IFT43: variants seen among roughly 807,000 people sequenced by gnomAD.
IFT43 encodes intraflagellar transport protein 43 homolog.
In IFT43, 33 loss-of-function variants were observed where a neutral mutation model predicts 32.3. The observed-to-expected ratio is 1.02, with a 90% CI of 0.77 to 1.37. The LOEUF (loss-of-function observed/expected upper bound fraction) is 1.37. Among genes scored for constraint, IFT43 ranks in the 40% most tolerant of loss-of-function variants. IFT43 has a pLI of 0.00. For missense variants in IFT43, 274 were observed against 265.9 expected (o/e 1.03, Z -0.21); for synonymous variants, 93 against 98.2 (o/e 0.95, Z 0.31).
At chr14:75,994,057 C>G (rs1248311498) in intron 2 of IFT43, among the ~76,000 whole-genome samples, 1 of 150,248 alleles carries the variant, frequency 6.7e-6, no homozygotes, top group African/African-American at 2.4e-5. Flanking sequence ...GTAGGCAGTT[C>G]AAAAATGACA....
chr14:76,002,969 GGTT>G (rs1357210360), intron 2 of IFT43, among the ~76,000 whole-genome samples: 1 of 152,208 alleles, frequency 6.6e-6, no homozygotes, highest in Non-Finnish European at 1.5e-5. Flanking sequence ...GAAACCGTAA[GGTT>G]GTGATCAGAA....
intron 2 of IFT43, among the ~76,000 whole-genome samples, chr14:76,022,014 G>A (rs529447204): frequency 2.0e-5 from 3 of 152,210 alleles, no homozygotes; most frequent in African/African-American, 7.2e-5. Context: ...ACTTTGGGAG[G>A]CCCAGGTGGG....
chr14:76,077,792 C>G (rs1003002164), intron 5 of IFT43, among the ~76,000 whole-genome samples: 1 of 152,182 alleles, frequency 6.6e-6, no homozygotes, highest in Non-Finnish European at 1.5e-5. Context: ...TTCAGTCTCT[C>G]CAGTGTTTCC....
At chr14:76,019,581 T>C (rs1472895272) in intron 2 of IFT43, among the ~76,000 whole-genome samples, 1 of 152,180 alleles carries the variant, frequency 6.6e-6, no homozygotes, top group African/African-American at 2.4e-5. Context: ...TTTTGAGACC[T>C]TCAAGCTTCC....
At chr14:76,042,522 C>T in intron 3 of IFT43, among the ~76,000 whole-genome samples, 1 of 152,198 alleles carries the variant, frequency 6.6e-6, no homozygotes, top group East Asian at 1.9e-4. Flanking sequence ...GCATGCATGA[C>T]CTAAGCCCTT....
intron 2 of IFT43, among the ~76,000 whole-genome samples, chr14:76,012,004 T>G (rs2036094720): frequency 6.6e-6 from 1 of 152,234 alleles, no homozygotes; most frequent in African/African-American, 2.4e-5. Context: ...GGAAGTTTGT[T>G]TTTAGTCAGT....
At chr14:76,027,996 G>A (rs2036436189) in intron 3 of IFT43, among the ~76,000 whole-genome samples, 1 of 151,958 alleles carries the variant, frequency 6.6e-6, no homozygotes, top group African/African-American at 2.4e-5. Flanking sequence ...GGCCAGTTGT[G>A]TTGTAGAATG....
chr14:75,991,108 G>A (rs1046180484), intron 2 of IFT43, among the ~76,000 whole-genome samples: 12 of 152,198 alleles, frequency 7.9e-5, no homozygotes, highest in African/African-American at 2.2e-4. Context: ...GGGAAGCCAA[G>A]GCAGGAGGAT....
intron 5 of IFT43, among the ~76,000 whole-genome samples, chr14:76,060,788 GC>G (rs2037116770): frequency 6.6e-6 from 1 of 151,088 alleles, no homozygotes; most frequent in Non-Finnish European, 1.5e-5. Context: ...ATTGTCTTTG[GC>G]CTTCTTTCTT....
intron 3 of IFT43, among the ~76,000 whole-genome samples, chr14:76,052,153 G>A (rs150964258): frequency 1.8e-4 from 28 of 152,172 alleles, no homozygotes; most frequent in Non-Finnish European, 3.8e-4. Flanking sequence ...CATTTATCTC[G>A]GTTATGTCCC....
chr14:76,038,956 T>C (rs1229567074), intron 3 of IFT43, among the ~76,000 whole-genome samples: 1 of 151,990 alleles, frequency 6.6e-6, no homozygotes, highest in Non-Finnish European at 1.5e-5. Context: ...TTGGGCCTGG[T>C]GTCCTTTCCT....
intron 3 of IFT43, among the ~76,000 whole-genome samples, chr14:76,023,100 C>T (rs1315082314): frequency 1.3e-5 from 2 of 152,244 alleles, no homozygotes; most frequent in African/African-American, 4.8e-5. Flanking sequence ...ACTTTATAAA[C>T]TGCATAGTGT....
At chr14:76,002,120 G>T (rs919763297) in intron 2 of IFT43, among the ~76,000 whole-genome samples, 2 of 152,222 alleles carry the variant, frequency 1.3e-5, no homozygotes, top group Non-Finnish European at 2.9e-5. Flanking sequence ...GGTGGCGCAG[G>T]CCTGTAATCC....
chr14:76,082,237 A>T (rs1174326983), intron 5 of IFT43, 58 bp from the exon 6 acceptor site: 37 of 1,486,790 alleles, frequency 2.5e-5, no homozygotes, highest in Non-Finnish European at 3.5e-5. Context: ...AGAAGTGGAG[A>T]AGCAGGCACA....
intron 3 of IFT43, among the ~76,000 whole-genome samples, chr14:76,036,714 T>C (rs971247177): frequency 2.0e-5 from 3 of 151,036 alleles, no homozygotes; most frequent in African/African-American, 7.3e-5. Context: ...CTAGTTGTTA[T>C]ATTTCTATAG....
chr14:76,016,052 T>C (rs1396129926), intron 2 of IFT43, among the ~76,000 whole-genome samples: 1 of 152,338 alleles, frequency 6.6e-6, no homozygotes, highest in East Asian at 1.9e-4. Context: ...TGTTTGAGTT[T>C]CTTGCATATT....
At chr14:76,068,920 A>G (rs2037271829) in intron 5 of IFT43, among the ~76,000 whole-genome samples, 1 of 152,200 alleles carries the variant, frequency 6.6e-6, no homozygotes, top group East Asian at 1.9e-4. Flanking sequence ...CCAGTTTACA[A>G]TCTGTTCAGG....
intron 5 of IFT43, among the ~76,000 whole-genome samples, chr14:76,071,566 C>T (rs1179989974): frequency 6.6e-6 from 1 of 152,178 alleles, no homozygotes; most frequent in Non-Finnish European, 1.5e-5. Flanking sequence ...CATGACATCA[C>T]TGATTTCAGA....
chr14:76,051,457 G>A lies in IFT43; in HGVS notation c.216-7185G>A, dbSNP rs145611080. Reference sequence around the variant, plus strand: ...GGGATTGAATGAGCAGTGTGGCCAAGATGACAATGGCAGATTTCTCCTTTC... The same window carrying A: ...GGGATTGAATGAGCAGTGTGGCCAAAATGACAATGGCAGATTTCTCCTTTC... On this transcript the variant is annotated intron_variant, in intron 3 of 8. Transcript: ENST00000314067. Among the ~76,000 whole-genome samples, 7 of 152,158 alleles carry A rather than the reference G, an allele frequency of 4.6e-5. No individual in the cohort carries two copies. In the East Asian group the frequency reaches 1.4e-3, roughly 29 times the overall value.
Sources: gnomAD v4.1 joint callset for allele counts (sites outside exome capture counted in the v4.1 genomes callset) on GRCh38, gnomAD v4.1.1 for gene constraint, MANE v1.5 for transcripts, NCBI Gene and HGNC (gene_info 2026-07-23, HGNC 2026-07-21) for gene names.